Variants in HTR1F observed in about 807,000 individuals in gnomAD.
The protein encoded by HTR1F is 5-hydroxytryptamine receptor 1F, also known as 5-hydroxytryptamine (serotonin) receptor 1F, G protein-coupled.
In HTR1F, 17 loss-of-function variants were observed where a neutral mutation model predicts 24.0. That is an observed-to-expected ratio of 0.71 (90% CI 0.48 to 1.06). HTR1F has a LOEUF of 1.06. Among genes scored for constraint, HTR1F ranks in the 50% least tolerant of loss-of-function variants. The pLI is 0.00. For missense variants in HTR1F, 391 were observed against 427.8 expected (o/e 0.91, Z 0.76); for synonymous variants, 186 against 156.8 (o/e 1.19, Z -1.39).
In HTR1F at chr3:87,975,134, G is replaced by C. The variant is rs555353595; in HGVS notation, c.-42-15574G>C. Among the ~76,000 whole-genome samples the C allele has an allele frequency of 3.9e-5, 6 of 152,046 alleles. No homozygotes were observed. In the South Asian group the frequency reaches 1.2e-3, roughly 32 times the overall value. On this transcript the variant is annotated intron_variant, in intron 2 of 2. Coordinates refer to ENST00000319595, the MANE Select transcript of HTR1F (RefSeq NM_001322209.2). The stretch of plus-strand genomic sequence containing the variant: ...AGAAATAATAATTGCTACTCTTATA[G>C]GAGTAACCAAAGTCAACGAAGTCTA...
chr3:87,894,559 CTTTTTTTTTT>C (rs35190252), intron 2 of HTR1F, among the ~76,000 whole-genome samples: 1 of 74,658 alleles, frequency 1.3e-5, no homozygotes, highest in Non-Finnish European at 2.4e-5. Context: ...TGCCCAGCCT[CTTTTTTTTTT>C]TTTTTTTTTT....
At chr3:87,979,954 A>G (rs1705506169) in intron 2 of HTR1F, among the ~76,000 whole-genome samples, 1 of 152,220 alleles carries the variant, frequency 6.6e-6, no homozygotes, top group Admixed American at 6.5e-5. Context: ...CAGGAACTGC[A>G]GAGCCCCGAA....
chr3:87,845,649 C>G (rs1704923848), intron 2 of HTR1F, among the ~76,000 whole-genome samples: 2 of 151,378 alleles, frequency 1.3e-5, no homozygotes, highest in Non-Finnish European at 2.9e-5. Context: ...ATGAAAATGG[C>G]CATACTGCCC....
intron 1 of HTR1F, among the ~76,000 whole-genome samples, chr3:87,820,862 AT>A (rs1704346442): frequency 6.6e-6 from 1 of 152,154 alleles, no homozygotes; most frequent in Middle Eastern, 3.3e-3. Context: ...CTGCATGACT[AT>A]TAACTCAGGT....
intron 2 of HTR1F, among the ~76,000 whole-genome samples, chr3:87,911,176 T>C (rs1248840177): frequency 1.3e-5 from 2 of 151,762 alleles, no homozygotes; most frequent in African/African-American, 4.8e-5. Context: ...TCCACAAATC[T>C]AGGAGTTTGT....
chr3:87,929,573 T>C (rs896682992), intron 2 of HTR1F, among the ~76,000 whole-genome samples: 6 of 152,168 alleles, frequency 3.9e-5, no homozygotes, highest in Non-Finnish European at 8.8e-5. Flanking sequence ...TCCCCATTAA[T>C]CATTTTTGTC....
At chr3:87,918,432 C>T (rs1371251382) in intron 2 of HTR1F, among the ~76,000 whole-genome samples, 1 of 152,002 alleles carries the variant, frequency 6.6e-6, no homozygotes, top group Non-Finnish European at 1.5e-5. Context: ...GGAAGTCAAA[C>T]TGTTGCTGTT....
At chr3:87,946,086 C>A (rs59671081) in intron 2 of HTR1F, among the ~76,000 whole-genome samples, 5,424 of 152,210 alleles carry the variant, frequency 0.036, 298 homozygotes, top group African/African-American at 0.12. Flanking sequence ...GTGTTCAGCT[C>A]GATTAGGATG....
At chr3:87,869,454 TGATA>T (rs4038036) in intron 2 of HTR1F, among the ~76,000 whole-genome samples, 80 of 124,856 alleles carry the variant, frequency 6.4e-4, no homozygotes, top group South Asian at 1.7e-3. Context: ...GATAGATAGA[TGATA>T]GATAGATAGA....
intron 2 of HTR1F, among the ~76,000 whole-genome samples, chr3:87,920,896 T>C (rs1280106476): frequency 6.6e-6 from 1 of 151,982 alleles, no homozygotes; most frequent in African/African-American, 2.4e-5. Context: ...TTAAAAAATA[T>C]ACTTTTTCTA....
chr3:87,880,877 T>C (rs1362594482), intron 2 of HTR1F, among the ~76,000 whole-genome samples: 3 of 152,204 alleles, frequency 2.0e-5, no homozygotes, highest in Middle Eastern at 3.2e-3. Flanking sequence ...ATCAAATTCA[T>C]CTTAATGAGC....
chr3:87,912,633 CAAAAA>C (rs35147140), intron 2 of HTR1F, among the ~76,000 whole-genome samples: 70 of 84,498 alleles, frequency 8.3e-4, no homozygotes, highest in African/African-American at 2.6e-3. Flanking sequence ...CAATCCTAGG[CAAAAA>C]AAAAAAAAAA....
At chr3:87,842,893 C>T (rs1236310116) in intron 2 of HTR1F, among the ~76,000 whole-genome samples, 3 of 151,636 alleles carry the variant, frequency 2.0e-5, no homozygotes, top group African/African-American at 4.9e-5. Context: ...CCACTAAGAA[C>T]GATAAAACAA....
chr3:87,951,236 A>G (rs558437487), intron 2 of HTR1F, among the ~76,000 whole-genome samples: 149 of 152,300 alleles, frequency 9.8e-4, no homozygotes, highest in African/African-American at 3.5e-3. Flanking sequence ...GTCAAGCATA[A>G]TGTCTAAAAC....
chr3:87,923,802 T>C (rs1476358588), intron 2 of HTR1F, among the ~76,000 whole-genome samples: 2 of 152,108 alleles, frequency 1.3e-5, no homozygotes, highest in African/African-American at 4.8e-5. Context: ...CATTTATTGA[T>C]TTGCATGTGT....
intron 1 of HTR1F, among the ~76,000 whole-genome samples, chr3:87,821,534 T>C (rs1438327628): frequency 6.6e-6 from 1 of 152,194 alleles, no homozygotes; most frequent in African/African-American, 2.4e-5. Flanking sequence ...TTTCTAGATA[T>C]ATTTCCATCA....
At chr3:87,985,662 A>G (rs1705647557) in intron 2 of HTR1F, among the ~76,000 whole-genome samples, 1 of 152,238 alleles carries the variant, frequency 6.6e-6, no homozygotes, top group Non-Finnish European at 1.5e-5. Flanking sequence ...TCTAATTAAA[A>G]CAGCCAACTT....
chr3:87,911,816 T>C (rs115673653), intron 2 of HTR1F, among the ~76,000 whole-genome samples: 1 of 152,122 alleles, frequency 6.6e-6, no homozygotes, highest in Non-Finnish European at 1.5e-5. Context: ...AGATGAAAAC[T>C]ATGATTGTCT....
chr3:87,889,548 A>T (rs1706032925), intron 2 of HTR1F, among the ~76,000 whole-genome samples: 2 of 152,174 alleles, frequency 1.3e-5, no homozygotes, highest in Non-Finnish European at 2.9e-5. Flanking sequence ...CTGACTAAGA[A>T]GATTTGGAGG....
Sources: gnomAD v4.1 joint callset for allele counts (sites outside exome capture counted in the v4.1 genomes callset) on GRCh38, gnomAD v4.1.1 for gene constraint, MANE v1.5 for transcripts, NCBI Gene and HGNC (gene_info 2026-07-23, HGNC 2026-07-21) for gene names.